FBXO31: variants seen among roughly 807,000 people sequenced by gnomAD.
The protein encoded by FBXO31 is F-box protein 31.
Under a neutral mutation model 54.4 loss-of-function variants are expected in FBXO31, and 24 were observed. That is an observed-to-expected ratio of 0.44 (90% CI 0.32 to 0.62). The LOEUF (loss-of-function observed/expected upper bound fraction) is 0.62. FBXO31 is among the 20% of genes least tolerant of loss of function. The pLI, the probability that FBXO31 is intolerant of heterozygous loss-of-function variation, is 0.05. For synonymous variants in FBXO31, 388 were observed against 335.6 expected, an observed-to-expected ratio of 1.16 and a Z score of -1.71; for missense variants, 665 against 787.1, an observed-to-expected ratio of 0.84 and a Z score of 1.86.
At chr16:87,342,646 G>GGTTC (rs1005977840) in intron 5 of FBXO31, among the ~76,000 whole-genome samples, 9 of 152,224 alleles carry the variant, frequency 5.9e-5, no homozygotes, top group African/African-American at 2.2e-4. Context: ...CGGCCTGTGT[G>GGTTC]GTTCGTTCGT....
At chr16:87,376,261 T>A (rs532403624) in intron 1 of FBXO31, among the ~76,000 whole-genome samples, 3 of 152,162 alleles carry the variant, frequency 2.0e-5, no homozygotes, top group African/African-American at 7.2e-5. Flanking sequence ...GAAACTCAAT[T>A]TTCTTTTTTT....
upstream of FBXO31, among the ~76,000 whole-genome samples, chr16:87,390,367 A>C (rs1389815792): frequency 6.6e-6 from 1 of 152,248 alleles, no homozygotes; most frequent in Admixed American, 6.5e-5. Context: ...AATTAATTAT[A>C]CAAGGATCTA....
intron 1 of FBXO31, among the ~76,000 whole-genome samples, chr16:87,381,334 C>T (rs200016911): frequency 1.3e-5 from 2 of 152,166 alleles, no homozygotes; most frequent in Non-Finnish European, 2.9e-5. Context: ...CAAAAAGGCA[C>T]AATAAAAATA....
At chr16:87,366,876 A>G (rs1906390871) in intron 1 of FBXO31, among the ~76,000 whole-genome samples, 1 of 152,160 alleles carries the variant, frequency 6.6e-6, no homozygotes, top group African/African-American at 2.4e-5. Context: ...AGCAATGCGG[A>G]AAATAAAAAA....
At chr16:87,382,598 C>T (rs1043292410) in intron 1 of FBXO31, among the ~76,000 whole-genome samples, 1 of 152,152 alleles carries the variant, frequency 6.6e-6, no homozygotes, top group Non-Finnish European at 1.5e-5. Context: ...CATCAGGAGC[C>T]CCCGACACTG....
intron 2 of FBXO31, among the ~76,000 whole-genome samples, chr16:87,348,855 C>T (rs954081384): frequency 1.3e-5 from 2 of 152,172 alleles, no homozygotes; most frequent in African/African-American, 4.8e-5. Context: ...TCCCGCAAAC[C>T]CTGGATCCCG....
chr16:87,377,583 T>C (rs1438040195), intron 1 of FBXO31, among the ~76,000 whole-genome samples: 3 of 152,122 alleles, frequency 2.0e-5, no homozygotes, highest in Admixed American at 2.0e-4. Flanking sequence ...CCCAGTACTT[T>C]AGGAGGCCAA....
Position 87,380,596 on chromosome 16 carries a change from G to A in FBXO31, c.340+2809C>T, listed in dbSNP as rs181774891. 2.1e-3 allele frequency among the ~76,000 whole-genome samples: 315 copies of A among 152,158 alleles called. 3 individuals are homozygous for A. The highest frequency in any genetic ancestry group is 7.1e-3 in the African/African-American group (295 of 41,500). On this transcript the variant is annotated intron_variant, in intron 1 of 8. Coordinates refer to ENST00000311635, the MANE Select transcript of FBXO31 (RefSeq NM_024735.5). Reference sequence around the variant, plus strand: ...TAGAGATGGGTTTTACCATGTTGCCGAGGCTGGTCTTGAACTCCTGGGCTC... The same window carrying A: ...TAGAGATGGGTTTTACCATGTTGCCAAGGCTGGTCTTGAACTCCTGGGCTC...
upstream of FBXO31, among the ~76,000 whole-genome samples, chr16:87,388,523 G>C (rs1373586636): frequency 6.6e-6 from 1 of 152,232 alleles, no homozygotes; most frequent in Non-Finnish European, 1.5e-5. Flanking sequence ...AGGAGGGAGA[G>C]GCCGAGGAGG....
chr16:87,348,560 T>C (rs1390567966), intron 2 of FBXO31, among the ~76,000 whole-genome samples: 1 of 152,138 alleles, frequency 6.6e-6, no homozygotes, highest in Admixed American at 6.5e-5. Flanking sequence ...ACTACAGACC[T>C]GGCGGGAGGA....
chr16:87,355,957 T>C (rs547090814), intron 2 of FBXO31, among the ~76,000 whole-genome samples: 4 of 152,278 alleles, frequency 2.6e-5, no homozygotes, highest in Admixed American at 6.5e-5. Context: ...ACATGCGACA[T>C]GAGGAGCCTC....
intron 5 of FBXO31, among the ~76,000 whole-genome samples, chr16:87,339,316 C>T (rs571533554): frequency 6.6e-6 from 1 of 152,344 alleles, no homozygotes; most frequent in Admixed American, 6.5e-5. Context: ...TGGTGACCTA[C>T]CTGCTCTCTG....
intron 1 of FBXO31, among the ~76,000 whole-genome samples, chr16:87,368,761 G>A (rs1475608971): frequency 6.6e-6 from 1 of 151,910 alleles, no homozygotes; most frequent in Non-Finnish European, 1.5e-5. Flanking sequence ...CAGCTGTTCT[G>A]ATTGCTAAGG....
chr16:87,376,801 G>A (rs1415806493), intron 1 of FBXO31, among the ~76,000 whole-genome samples: 2 of 152,202 alleles, frequency 1.3e-5, no homozygotes, highest in Non-Finnish European at 2.9e-5. Flanking sequence ...CAAGGCTGGG[G>A]CCAGCCCTGT....
At chr16:87,379,023 A>C (rs1002790494) in intron 1 of FBXO31, among the ~76,000 whole-genome samples, 1 of 152,194 alleles carries the variant, frequency 6.6e-6, no homozygotes, top group African/African-American at 2.4e-5. Flanking sequence ...ATGTATCCAA[A>C]GATATGAGAG....
chr16:87,390,258 G>C (rs943668007), upstream of FBXO31, among the ~76,000 whole-genome samples: 4 of 152,094 alleles, frequency 2.6e-5, no homozygotes, highest in African/African-American at 4.8e-5. Context: ...TCCAGCCTGG[G>C]CAACAGTGCA....
rs766987724 is a variant in FBXO31, at chr16:87,383,452, C to T, written c.293G>A (p.Arg98Gln). ...GATGGTGTCGGTGTGGAGGATGCGC[C>T]GGAACTTCGTGCAGACCTGGGCCAA... ...PSLAQVCTKFRRILHTDTIWR... is the reference protein window; with the variant it reads ...PSLAQVCTKFQRILHTDTIWR... Residue 98 changes from arginine (R) to glutamine (Q), a missense_variant, in exon 1 of 9, where the codon CGG (arginine) becomes CAG (glutamine). Physicochemically the swap from Arg to Gln is conservative, Grantham distance 43 (BLOSUM62 1). Transcript: ENST00000311635. The surrounding 1 kb of genome is among the most constrained non-coding windows in gnomAD (Gnocchi z 4.9). 9 of 1,589,752 alleles carry T rather than the reference C, an allele frequency of 5.7e-6. No individual in the cohort carries two copies. Among genetic ancestry groups the T allele is most frequent in the Non-Finnish European group, 6.8e-6 (8 of 1,171,724 alleles).
intron 5 of FBXO31, among the ~76,000 whole-genome samples, chr16:87,341,596 C>T (rs952935220): frequency 7.4e-6 from 1 of 134,854 alleles, no homozygotes; most frequent in African/African-American, 2.8e-5. Context: ...GCGGAAGTTG[C>T]AGTGAGCCAA....
Position 87,332,150 on chromosome 16 carries a change from G to A in FBXO31, c.1398-640C>T, listed in dbSNP as rs186613835. ...GCTCCAAAGGCCGGGGGAAAGAACA[G>A]CCCCGTGGACCAGGGCCTGGCCTCA... On this transcript the variant is annotated intron_variant, in intron 8 of 8. Transcript: ENST00000311635. Among the ~76,000 whole-genome samples, 5 of 152,366 alleles carry A rather than the reference G, an allele frequency of 3.3e-5. 1 individual carries two copies. Among genetic ancestry groups the A allele is most frequent in the Admixed American group, 2.6e-4 (4 of 15,310 alleles).
Sources: gnomAD v4.1 joint callset for allele counts (sites outside exome capture counted in the v4.1 genomes callset) on GRCh38, gnomAD v4.1.1 for gene constraint, Gnocchi (gnomAD v3.1) non-coding constraint, MANE v1.5 for transcripts, NCBI Gene and HGNC (gene_info 2026-07-23, HGNC 2026-07-21) for gene names.